Variants in ZSCAN18 observed in about 807,000 individuals in gnomAD.
ZSCAN18 encodes zinc finger and SCAN domain containing 18.
ZSCAN18 carries 16 observed loss-of-function variants against 31.1 expected under a neutral mutation model. The observed-to-expected ratio is 0.51, with a 90% CI of 0.35 to 0.78. The LOEUF is 0.78. ZSCAN18 is among the 30% of genes least tolerant of loss of function. The probability of loss-of-function intolerance (pLI) is 0.01; values close to 1 mark genes in which losing one functional copy is unlikely to be tolerated. For missense variants in ZSCAN18, 731 were observed against 697.4 expected (o/e 1.05, Z -0.54); for synonymous variants, 375 against 320.7 (o/e 1.17, Z -1.81).
Position 58,089,899 on chromosome 19 carries a change from C to A in ZSCAN18, c.369G>T (p.Leu123=). The part of the protein sequence containing the change: ...YPESCKKAAS[L]VEGLADVLEE... Reference sequence around the variant, plus strand: ...CCAGGACATCAGCGAGGCCCTCCACCAGGGAGGCTGCCTTCTTGCAGCTCT... The same window carrying A: ...CCAGGACATCAGCGAGGCCCTCCACAAGGGAGGCTGCCTTCTTGCAGCTCT... The change falls in exon 2 of 7, where the codon CTG becomes CTT. Residue 123 remains leucine (L), a synonymous_variant. Transcript: ENST00000601144. 1 of 1,613,194 alleles carries A rather than the reference C, an allele frequency of 6.2e-7. No homozygotes were observed. Among genetic ancestry groups the A allele is most frequent in the Non-Finnish European group, 8.5e-7 (1 of 1,179,354 alleles).
chr19:58,117,959 G>A (rs111698606), intron 1 of ZSCAN18, among the ~76,000 whole-genome samples: 1,947 of 152,316 alleles, frequency 0.013, 43 homozygotes, highest in African/African-American at 0.043. Context: ...ACGAAGAGGA[G>A]GGAGTAGGGG....
intron 1 of ZSCAN18, chr19:58,109,182 C>G: frequency 8.1e-7 from 1 of 1,231,424 alleles, no homozygotes; most frequent in Non-Finnish European, 1.0e-6. Flanking sequence ...ATTCCCAGAC[C>G]TCTCCTAATG....
chr19:58,107,684 A>G, intron 1 of ZSCAN18: 1 of 987,690 alleles, frequency 1.0e-6, no homozygotes, highest in Non-Finnish European at 1.2e-6. Flanking sequence ...AAACTCTTCA[A>G]CATGAAGTCT....
At position 58,094,241 on chromosome 19, in the gene ZSCAN18, C is replaced by CAA. The variant is rs57599558; in HGVS notation, c.-119-3857_-119-3856dup. 2.6e-3 allele frequency among the ~76,000 whole-genome samples: 370 copies of CAA among 141,584 alleles called. 2 individuals are homozygous for CAA. The highest frequency in any genetic ancestry group is 4.3e-3 in the Non-Finnish European group (279 of 65,008). 92.9% of individuals were successfully genotyped at this position (141,584 alleles called of 152,430 possible). A position where few individuals can be genotyped will look rare whatever the true frequency, so the allele number is the denominator to read the frequency against. Reference sequence around the variant, plus strand: ...TGAAACCCCATCTCTACTAAAAATACAAAAAAAAAAATAATAATAATTAGC... The same window carrying CAA: ...TGAAACCCCATCTCTACTAAAAATACAAAAAAAAAAAAATAATAATAATTAGC... On this transcript the variant is annotated intron_variant, in intron 1 of 6. Coordinates refer to ENST00000601144, the MANE Select transcript of ZSCAN18 (RefSeq NM_001145543.2).
intron 1 of ZSCAN18, among the ~76,000 whole-genome samples, chr19:58,096,785 T>A (rs1029191874): frequency 2.0e-5 from 3 of 152,336 alleles, no homozygotes; most frequent in African/African-American, 7.2e-5. Flanking sequence ...CTGCCCTGGC[T>A]TCATCCACAG....
At chr19:58,118,365 T>A (rs1189659871) in exon 1 of ZSCAN18, 12 of 1,533,448 alleles carry the variant, frequency 7.8e-6, no homozygotes, top group Non-Finnish European at 1.1e-5. Flanking sequence ...CGCCGTAGCG[T>A]CCTCGTCAGC....
chr19:58,095,004 CTA>C (rs2074493661), intron 1 of ZSCAN18, among the ~76,000 whole-genome samples: 2 of 151,876 alleles, frequency 1.3e-5, no homozygotes, highest in East Asian at 3.9e-4. Flanking sequence ...CTGCAGTGAG[CTA>C]TGTTTGTGCC....
At chr19:58,097,416 G>A (rs1290863365) in intron 1 of ZSCAN18, among the ~76,000 whole-genome samples, 1 of 151,808 alleles carries the variant, frequency 6.6e-6, no homozygotes, top group East Asian at 1.9e-4. Context: ...GGTCAGGACC[G>A]AAGCCAGTAC....
At chr19:58,110,048 A>T (rs970165203) in intron 1 of ZSCAN18, among the ~76,000 whole-genome samples, 2 of 152,054 alleles carry the variant, frequency 1.3e-5, no homozygotes, top group South Asian at 2.1e-4. Context: ...AAAATTTTTT[A>T]AAAATTATTT....
rs1599950307 is a variant in ZSCAN18, at chr19:58,085,607, C to G, written c.839-228G>C. 7.5e-6 allele frequency: 4 copies of G among 536,142 alleles called. No individual in the cohort carries two copies. In the East Asian group the frequency reaches 1.3e-4, roughly 18 times the overall value. The allele number at this position is 536,142 out of a possible 1,614,324, so 33.2% of individuals were successfully genotyped here. A position where few individuals can be genotyped will look rare whatever the true frequency, so the allele number is the denominator to read the frequency against. The stretch of plus-strand genomic sequence containing the variant: ...CCTGGAGGCCTCCAACAACGGAGGC[C>G]ACCGACAGGACAGGAAGGACAGCCC... On this transcript the variant is annotated intron_variant, in intron 6 of 6. Transcript: ENST00000601144.
chr19:58,095,949 C>T (rs2074512282), intron 1 of ZSCAN18, among the ~76,000 whole-genome samples: 1 of 152,344 alleles, frequency 6.6e-6, no homozygotes, highest in East Asian at 1.9e-4. Flanking sequence ...TCCCTTCCTA[C>T]TGGGACCCTG....
At chr19:58,109,283 A>G in intron 1 of ZSCAN18, 1 of 1,231,720 alleles carries the variant, frequency 8.1e-7, no homozygotes, top group Non-Finnish European at 1.0e-6. Context: ...TGATGCTTCC[A>G]TTTGACTTTT....
At chr19:58,106,278 T>C (rs1462489143) in intron 1 of ZSCAN18, among the ~76,000 whole-genome samples, 1 of 152,086 alleles carries the variant, frequency 6.6e-6, no homozygotes, top group African/African-American at 2.4e-5. Context: ...TGGTGCATGC[T>C]GGTAGTTCCA....
At chr19:58,103,115 C>T (rs578079550), upstream of ZSCAN18, among the ~76,000 whole-genome samples, 1 of 127,484 alleles carries the variant, frequency 7.8e-6, no homozygotes, top group Admixed American at 8.5e-5. Context: ...CAGCGAGACT[C>T]TCTCTAAAAA....
At chr19:58,088,577 C>T in intron 3 of ZSCAN18, 111 bp downstream of exon 3, 10 of 1,094,162 alleles carry the variant, frequency 9.1e-6, no homozygotes, top group Non-Finnish European at 1.2e-5. Flanking sequence ...TAGCATGGAC[C>T]ATGGAGCCCC....
At chr19:58,092,700 A>G in intron 1 of ZSCAN18, 1 of 984,692 alleles carries the variant, frequency 1.0e-6, no homozygotes, top group Non-Finnish European at 1.2e-6. Flanking sequence ...GACATTCTAC[A>G]CAAGCTTCCA....
exon 1 of ZSCAN18, chr19:58,118,295 T>C: frequency 6.6e-7 from 1 of 1,507,022 alleles, no homozygotes; most frequent in Non-Finnish European, 8.9e-7. Flanking sequence ...CCGCGACCGG[T>C]GGGCGGGAAC....
chr19:58,093,199 C>G (rs2074450138), intron 1 of ZSCAN18: 1 of 152,384 alleles, frequency 6.6e-6, no homozygotes. Context: ...TACCTCCCTA[C>G]TGACCGCCTC....
At chr19:58,098,555 CAGACGCTCGGGGGCAGACCA>C (rs1022998446), upstream of ZSCAN18, among the ~76,000 whole-genome samples, 2 of 152,180 alleles carry the variant, frequency 1.3e-5, no homozygotes, top group Non-Finnish European at 2.9e-5. Context: ...TGAAGGCCCA[CAGACGCTCGGGGGCAGACCA>C]AGACGCCCTG....
Sources: allele counts gnomAD v4.1 joint callset (sites outside exome capture counted in the v4.1 genomes callset), GRCh38; gene constraint gnomAD v4.1.1; transcripts MANE v1.5; gene names NCBI Gene and HGNC (gene_info 2026-07-23, HGNC 2026-07-21).